The following TSPAN33 variants were observed in gnomAD, a reference collection of about 807,000 sequenced individuals.
TSPAN33 encodes the protein tetraspanin-33.
Under a neutral mutation model 34.8 loss-of-function variants are expected in TSPAN33, and 27 were observed. That is an observed-to-expected ratio of 0.78 (90% CI 0.57 to 1.07). TSPAN33 has a LOEUF of 1.07. Ranked by LOEUF, TSPAN33 falls within the 50% of genes least tolerant of loss-of-function variation. TSPAN33 has a pLI of 0.00. For missense variants in TSPAN33, 272 were observed against 324.9 expected (o/e 0.84, Z 1.25); for synonymous variants, 119 against 124.2 (o/e 0.96, Z 0.28).
rs73723925 is a variant in TSPAN33, at chr7:129,148,084, C to G, written c.102+3002C>G. On this transcript the variant is annotated intron_variant, in intron 1 of 7. Transcript: ENST00000486685. This position sits in a 1 kb window ranked among gnomAD's most constrained non-coding sequence, Gnocchi z 4.2. Reference sequence around the variant, plus strand: ...AGCTGCCTCTCCTCACCTCCCTCTGCAGGACAGCTCCGTGCAGATATTGGG... The same window carrying G: ...AGCTGCCTCTCCTCACCTCCCTCTGGAGGACAGCTCCGTGCAGATATTGGG... Among the ~76,000 whole-genome samples the G allele has an allele frequency of 2.7e-3, 409 of 152,326 alleles. 2 individuals carry two copies. The highest frequency in any genetic ancestry group is 9.0e-3 in the African/African-American group (375 of 41,580).
chr7:129,167,355 T>C lies in TSPAN33; in HGVS notation c.589-44T>C. On this transcript the variant is annotated intron_variant, in intron 6 of 7. Coordinates refer to ENST00000486685, the MANE Select transcript of TSPAN33 (RefSeq NM_178562.5). The surrounding 1 kb of genome is among the most constrained non-coding windows in gnomAD (Gnocchi z 4.6). ...TCAGCTAAGGCCCCAAACAAAAAGT[T>C]ATTGGAATTACAGTCCCAATTGGCT... The C allele has an allele frequency of 6.3e-7, 1 of 1,581,602 alleles. No homozygotes were observed. The highest frequency in any genetic ancestry group is 8.6e-7 in the Non-Finnish European group (1 of 1,158,864).
chr7:129,167,628 A>G lies in TSPAN33; in HGVS notation c.750+68A>G. ...AAGACTCCTTTGTTTTGGGGAAGGC[A>G]CCTGGGGATCAGCGAGGGTGTCAGG... On this transcript the variant is annotated intron_variant, in intron 7 of 7. Transcript: ENST00000486685. This position sits in a 1 kb window ranked among gnomAD's most constrained non-coding sequence, Gnocchi z 4.6. The G allele has an allele frequency of 6.3e-7, 1 of 1,585,492 alleles. No individual in the cohort carries two copies. The highest frequency in any genetic ancestry group is 8.6e-7 in the Non-Finnish European group (1 of 1,160,762).
intron 1 of TSPAN33, among the ~76,000 whole-genome samples, chr7:129,147,994 G>T (rs188751576): frequency 6.6e-6 from 1 of 152,120 alleles, no homozygotes; most frequent in Non-Finnish European, 1.5e-5. Flanking sequence ...GGGATTCCAT[G>T]GCCTGGAGTA....
At chr7:129,149,942 C>T (rs559282654) in intron 1 of TSPAN33, among the ~76,000 whole-genome samples, 17 of 152,352 alleles carry the variant, frequency 1.1e-4, no homozygotes, top group African/African-American at 3.1e-4. Context: ...GGCCCTACTC[C>T]GGGGCCACAG....
intron 1 of TSPAN33, among the ~76,000 whole-genome samples, chr7:129,151,429 T>C (rs1245029291): frequency 6.6e-6 from 1 of 152,104 alleles, no homozygotes; most frequent in Non-Finnish European, 1.5e-5. Flanking sequence ...CCTACCTTGA[T>C]CTTAAATGCA....
In TSPAN33 at chr7:129,145,031, C is replaced by T. The variant is rs1810499230; in HGVS notation, c.51C>T (p.Phe17=). 1.1e-5 allele frequency: 8 copies of T among 725,862 alleles called. No individual in the cohort carries two copies. In the East Asian group the frequency reaches 2.0e-4, roughly 18 times the overall value. 45.0% of individuals were successfully genotyped at this position (725,862 alleles called of 1,614,324 possible). A position where few individuals can be genotyped will look rare whatever the true frequency, so the allele number is the denominator to read the frequency against. The change falls in exon 1 of 8, where the codon TTC becomes TTT. Residue 17 remains phenylalanine, a synonymous_variant. Transcript: ENST00000486685. ...APAASGEEFS[F]VSPLVKYLLF... ...CCGCCTCCGGGGAGGAGTTCTCCTT[C>T]GTCAGCCCGCTGGTGAAATACCTGC...
At chr7:129,145,215 C>G in intron 1 of TSPAN33, 133 bp downstream of exon 1, 1 of 457,528 alleles carries the variant, frequency 2.2e-6, no homozygotes, top group Non-Finnish European at 3.9e-6. Context: ...GGAATTTATC[C>G]TGGGGAGGGA....
intron 1 of TSPAN33, among the ~76,000 whole-genome samples, 161 bp downstream of exon 1, chr7:129,145,243 G>GT (rs1378990861): frequency 6.6e-6 from 1 of 152,042 alleles, no homozygotes; most frequent in East Asian, 1.9e-4. Flanking sequence ...GGGACGCCGC[G>GT]TCTGCAGGGG....
At chr7:129,158,055 G>T (rs2150624809) in intron 1 of TSPAN33, among the ~76,000 whole-genome samples, 1 of 152,324 alleles carries the variant, frequency 6.6e-6, no homozygotes, top group Middle Eastern at 3.4e-3. Flanking sequence ...GCCTGCTCCA[G>T]CTGTTAGAGG....
chr7:129,168,052 GGA>G lies in TSPAN33; in HGVS notation c.*180_*181del. 7.7e-7 allele frequency: 1 copy of G among 1,304,394 alleles called. No individual in the cohort carries two copies. Among genetic ancestry groups the G allele is most frequent in the Non-Finnish European group, 1.0e-6 (1 of 979,554 alleles). 80.8% of individuals were successfully genotyped at this position (1,304,394 alleles called of 1,614,324 possible). On this transcript the variant is annotated 3_prime_UTR_variant, in exon 8 of 8. Transcript: ENST00000486685. ...GGGTGCACAGGTGGCTCCAGTCTCA[GGA>G]GGATGCGCCTCCTCTCCCCCATCCC...
Position 129,167,773 on chromosome 7 carries a change from C to G in TSPAN33, c.751C>G (p.Leu251Val). The change falls in exon 8 of 8, where the codon CTG becomes GTG. Residue 251 changes from leucine (L) to valine (V), a missense_variant and splice_region_variant. Transcript: ENST00000486685. This position sits in a 1 kb window ranked among gnomAD's most constrained non-coding sequence, Gnocchi z 4.6. ...CCCAATTCCTTCTTGCCTCTCCCAG[C>G]TGGTGGGAATTCTGCTGTCCCAGAT... ...GVALGLAIPQ[L>V]VGILLSQILV... 2.5e-6 allele frequency: 4 copies of G among 1,614,094 alleles called. No individual in the cohort carries two copies. The highest frequency in any genetic ancestry group is 3.4e-6 in the Non-Finnish European group (4 of 1,179,988).
Position 129,167,006 on chromosome 7 carries a change from G to C in TSPAN33, c.588+100G>C. 1 of 1,403,660 alleles carries C rather than the reference G, an allele frequency of 7.1e-7. No homozygotes were observed. The highest frequency in any genetic ancestry group is 9.8e-7 in the Non-Finnish European group (1 of 1,022,984). 87.0% of individuals were successfully genotyped at this position (1,403,660 alleles called of 1,614,324 possible). A position where few individuals can be genotyped will look rare whatever the true frequency, so the allele number is the denominator to read the frequency against. On this transcript the variant is annotated intron_variant, in intron 6 of 7. Transcript: ENST00000486685. This position sits in a 1 kb window ranked among gnomAD's most constrained non-coding sequence, Gnocchi z 4.6. The stretch of plus-strand genomic sequence containing the variant: ...GGGATCCCCATCCCCTAGCTTCACC[G>C]ATCAGTCATGTGGGACAGCTGTCAG...
Position 129,167,885 on chromosome 7 carries a change from T to C in TSPAN33, c.*11T>C. 6.2e-7 allele frequency: 1 copy of C among 1,613,458 alleles called. No individual in the cohort carries two copies. Among genetic ancestry groups the C allele is most frequent in the African/African-American group, 1.3e-5 (1 of 75,036 alleles). ...GACCCATGGTACTGAGAATCCATCC[T>C]GCACCTCCTCACCATGGAAACTGGC... is the stretch of plus-strand genomic sequence containing the variant. On this transcript the variant is annotated 3_prime_UTR_variant, in exon 8 of 8. Coordinates refer to ENST00000486685, the MANE Select transcript of TSPAN33 (RefSeq NM_178562.5). This position sits in a 1 kb window ranked among gnomAD's most constrained non-coding sequence, Gnocchi z 4.6.
chr7:129,167,669 G>A lies in TSPAN33; in HGVS notation c.751-104G>A, dbSNP rs1793162837. The A allele has an allele frequency of 1.3e-6, 2 of 1,561,768 alleles. No homozygotes were observed. The highest frequency in any genetic ancestry group is 4.5e-5 in the East Asian group (2 of 44,470). ...GGGTGTCAGGCACTGACATGGCTGA[G>A]GGGTAGGGAAAGGGATAGTGCTGGC... is the stretch of plus-strand genomic sequence containing the variant. On this transcript the variant is annotated intron_variant, in intron 7 of 7. Transcript: ENST00000486685. The surrounding 1 kb of genome is among the most constrained non-coding windows in gnomAD (Gnocchi z 4.6).
chr7:129,162,406 C>A lies in TSPAN33; in HGVS notation c.173C>A (p.Ala58Asp). 1 of 1,613,416 alleles carries A rather than the reference C, an allele frequency of 6.2e-7. No homozygotes were observed. Residue 58 changes from alanine (A) to aspartate (D), a missense_variant, in exon 3 of 8, where the codon GCC becomes GAC. Transcript: ENST00000486685. The part of the protein sequence containing the change: ...RLMKHAEAAL[A>D]CLAVDPAILL... ...GCTCCTTTTCCAGAAGCAGCCCTAG[C>A]CTGCCTGGCAGTGGACCCTGCCATC...
intron 1 of TSPAN33, among the ~76,000 whole-genome samples, chr7:129,149,680 C>T (rs1810567341): frequency 6.6e-6 from 1 of 152,236 alleles, no homozygotes; most frequent in South Asian, 2.1e-4. Flanking sequence ...GACCTCCCTT[C>T]CTCTTTCTTA....
chr7:129,153,671 T>A (rs1810631079), intron 1 of TSPAN33, among the ~76,000 whole-genome samples: 1 of 151,886 alleles, frequency 6.6e-6, no homozygotes, highest in Non-Finnish European at 1.5e-5. Context: ...TCAGTTGCAG[T>A]GGCTCATGTC....
rs1793172417 is a variant in TSPAN33 at position 129,168,155 on chromosome 7, G to A, written c.*281G>A. The A allele has an allele frequency of 2.3e-6, 1 of 428,118 alleles. No homozygotes were observed. 26.5% of individuals were successfully genotyped at this position (428,118 alleles called of 1,614,324 possible). ...TTTCAGTTTTGTTTGGGAAACAGCA[G>A]TTGCACAGAGAGTTGGGGGTACTGC... On this transcript the variant is annotated 3_prime_UTR_variant, in exon 8 of 8. Transcript: ENST00000486685.
Position 129,167,619 on chromosome 7 carries a change from G to T in TSPAN33, c.750+59G>T. On this transcript the variant is annotated intron_variant, in intron 7 of 7. Transcript: ENST00000486685. The surrounding 1 kb of genome is among the most constrained non-coding windows in gnomAD (Gnocchi z 4.6). ...CACTCTGTAAAGACTCCTTTGTTTT[G>T]GGGAAGGCACCTGGGGATCAGCGAG... 1 of 1,591,412 alleles carries T rather than the reference G, an allele frequency of 6.3e-7. No individual in the cohort carries two copies. The highest frequency in any genetic ancestry group is 8.6e-7 in the Non-Finnish European group (1 of 1,165,278).
Sources: gnomAD v4.1 joint callset for allele counts (sites outside exome capture counted in the v4.1 genomes callset) on GRCh38, gnomAD v4.1.1 for gene constraint, Gnocchi (gnomAD v3.1) non-coding constraint, MANE v1.5 for transcripts, NCBI Gene and HGNC (gene_info 2026-07-23, HGNC 2026-07-21) for gene names.